Variants in CSMD1 observed in about 807,000 individuals in gnomAD.
The protein encoded by CSMD1 is CUB and Sushi multiple domains 1.
Under a neutral mutation model 417.5 loss-of-function variants are expected in CSMD1, and 213 were observed. That is an observed-to-expected ratio of 0.51 (90% CI 0.46 to 0.57). CSMD1 has a LOEUF of 0.57. Among genes scored for constraint, CSMD1 ranks in the 20% least tolerant of loss-of-function variants. The pLI is 0.00. For synonymous variants in CSMD1, 2,862 were observed against 1,736.8 expected, an observed-to-expected ratio of 1.65 and a Z score of -16.11; for missense variants, 6,923 against 4,529.7, an observed-to-expected ratio of 1.53 and a Z score of -15.17.
rs376640323 is a variant in CSMD1, at chr8:3,142,821, T to C, written c.6032-147A>G. The C allele has an allele frequency of 5.2e-5, 38 of 734,746 alleles. 1 individual carries two copies. In the South Asian group the frequency reaches 6.1e-4, roughly 12 times the overall value. 45.5% of individuals were successfully genotyped at this position (734,746 alleles called of 1,614,324 possible). On this transcript the variant is annotated intron_variant, in intron 40 of 69. Transcript: ENST00000635120. ...ATGCCGTGGAGGACGGCATTCACTG[T>C]GGATGACAGCAAACCCTGGCTCCAT...
intron 37 of CSMD1, among the ~76,000 whole-genome samples, chr8:3,179,645 G>A (rs1248168575): frequency 6.6e-6 from 1 of 152,114 alleles, no homozygotes; most frequent in East Asian, 1.9e-4. Flanking sequence ...AAACCCAGAT[G>A]CTACAGGATA....
intron 50 of CSMD1, among the ~76,000 whole-genome samples, chr8:3,043,156 G>C (rs1197110078): frequency 1.3e-5 from 2 of 150,476 alleles, no homozygotes; most frequent in African/African-American, 4.9e-5. Flanking sequence ...TACATATAGC[G>C]ATATATACAG....
At chr8:4,859,619 C>G (rs1223123127) in intron 1 of CSMD1, among the ~76,000 whole-genome samples, 1 of 152,068 alleles carries the variant, frequency 6.6e-6, no homozygotes, top group Admixed American at 6.6e-5. Context: ...AGACACTTCT[C>G]AAAAGAAGAC....
Position 3,033,970 on chromosome 8 carries a change from C to G in CSMD1, c.7661-4457G>C, listed in dbSNP as rs558463582. On this transcript the variant is annotated intron_variant, in intron 50 of 69. Transcript: ENST00000635120. ...GCCTTGCTTCAGCCCATCGCGGGCC[C>G]CAGACTAGTCAGACCACCCCCTAGT... Among the ~76,000 whole-genome samples, 4 of 152,084 alleles carry G rather than the reference C, an allele frequency of 2.6e-5. No homozygotes were observed. The East Asian group carries it at 7.7e-4, about 29-fold the overall frequency.
chr8:4,439,321 C>T (rs539710782), intron 2 of CSMD1, among the ~76,000 whole-genome samples: 8 of 152,126 alleles, frequency 5.3e-5, no homozygotes, highest in South Asian at 4.1e-4. Context: ...GTAATCAATA[C>T]GTTAAATATA....
At chr8:2,958,391 C>T (rs1397509426) in intron 62 of CSMD1, among the ~76,000 whole-genome samples, 1 of 152,174 alleles carries the variant, frequency 6.6e-6, no homozygotes, top group African/African-American at 2.4e-5. Flanking sequence ...TCTGATCCTC[C>T]AAGAATGAAT....
chr8:3,107,742 T>G lies in CSMD1; in HGVS notation c.6811A>C (p.Thr2271Pro). The change falls in exon 45 of 70, where the codon ACT becomes CCT. Residue 2271 changes from threonine (T) to proline (P), a missense_variant. Coordinates refer to ENST00000635120, the MANE Select transcript of CSMD1 (RefSeq NM_033225.6). Reference sequence around the variant, plus strand: ...CCTATTTCGAAATCATCATCCTCAGTAAGCATTTCTGCCTGTGGAACCGCT... The same window carrying G: ...CCTATTTCGAAATCATCATCCTCAGGAAGCATTTCTGCCTGTGGAACCGCT... Reference protein sequence around the residue: ...PPAVPQAEMLTEDDDFEIGDF... With the variant: ...PPAVPQAEMLPEDDDFEIGDF... 1 of 1,592,464 alleles carries G rather than the reference T, an allele frequency of 6.3e-7. No homozygotes were observed. The highest frequency in any genetic ancestry group is 8.5e-7 in the Non-Finnish European group (1 of 1,171,214).
In CSMD1 at chr8:4,232,005, G is replaced by C. The variant is rs566911976; in HGVS notation, c.415+187948C>G. Among the ~76,000 whole-genome samples, 16 of 152,114 alleles carry C rather than the reference G, an allele frequency of 1.1e-4. No individual in the cohort carries two copies. The South Asian group carries it at 3.3e-3, about 32-fold the overall frequency. On this transcript the variant is annotated intron_variant, in intron 3 of 69. Transcript: ENST00000635120. ...AATCATTTTGTAAAGCAAAGCCATC[G>C]ACATAGGACGTAAGTATGAAACAAT...
intron 1 of CSMD1, among the ~76,000 whole-genome samples, chr8:4,710,592 T>C (rs1381707987): frequency 6.6e-6 from 1 of 151,144 alleles, no homozygotes; most frequent in African/African-American, 2.4e-5. Context: ...ACGCTTGTGA[T>C]CCCAGCACTT....
intron 3 of CSMD1, among the ~76,000 whole-genome samples, chr8:4,184,804 T>A (rs1798571190): frequency 6.6e-6 from 1 of 151,830 alleles, no homozygotes; most frequent in Non-Finnish European, 1.5e-5. Flanking sequence ...CAGGTTTACT[T>A]ATATAGGAAA....
intron 3 of CSMD1, among the ~76,000 whole-genome samples, chr8:4,286,322 G>T (rs1797053324): frequency 6.6e-6 from 1 of 151,940 alleles, no homozygotes; most frequent in Admixed American, 6.6e-5. Context: ...TGTCACTTTG[G>T]AACATTCTTT....
intron 5 of CSMD1, among the ~76,000 whole-genome samples, chr8:3,893,815 A>AT (rs1395498599): frequency 1.3e-5 from 2 of 152,196 alleles, no homozygotes; most frequent in South Asian, 2.1e-4. Context: ...GCACACTTTG[A>AT]TTTTACCTGT....
At chr8:4,032,881 C>T (rs564178674) in intron 3 of CSMD1, among the ~76,000 whole-genome samples, 2 of 152,030 alleles carry the variant, frequency 1.3e-5, no homozygotes, top group East Asian at 1.9e-4. Flanking sequence ...TAGGTCAGGC[C>T]GTGGTGGGAT....
intron 41 of CSMD1, among the ~76,000 whole-genome samples, chr8:3,135,933 A>G (rs904723632): frequency 2.0e-5 from 3 of 152,202 alleles, no homozygotes; most frequent in African/African-American, 7.2e-5. Context: ...GAAAATCACA[A>G]CAGGGGCAAA....
rs891062010 is a variant in CSMD1, at chr8:3,648,682, T to C, written c.1010-31885A>G. ...CTTTGAAACATACGGCTATACCAAA[T>C]CCTATAAAAATGGTCTAAAAAGTGC... On this transcript the variant is annotated intron_variant, in intron 7 of 69. Transcript: ENST00000635120. 4.6e-5 allele frequency among the ~76,000 whole-genome samples: 7 copies of C among 152,294 alleles called. No homozygotes were observed. The East Asian group carries it at 1.2e-3, about 25-fold the overall frequency.
intron 22 of CSMD1, among the ~76,000 whole-genome samples, chr8:3,344,826 G>C (rs1391348717): frequency 1.3e-5 from 2 of 152,154 alleles, no homozygotes; most frequent in Admixed American, 1.3e-4. Flanking sequence ...ATAATTTTGT[G>C]GGTAGTTATT....
chr8:3,927,682 A>G (rs1389937982), intron 5 of CSMD1, among the ~76,000 whole-genome samples: 2 of 152,166 alleles, frequency 1.3e-5, no homozygotes, highest in Non-Finnish European at 2.9e-5. Context: ...TCAAAATAGA[A>G]AAGAAAAGAA....
At chr8:4,397,315 A>G (rs1400201009) in intron 3 of CSMD1, among the ~76,000 whole-genome samples, 1 of 152,202 alleles carries the variant, frequency 6.6e-6, no homozygotes, top group African/African-American at 2.4e-5. Context: ...TTTTAAATGT[A>G]TAAGCATATT....
chr8:4,847,777 A>AT (rs34765624), intron 1 of CSMD1, among the ~76,000 whole-genome samples: 1,631 of 138,356 alleles, frequency 0.012, 19 homozygotes, highest in East Asian at 0.033. Context: ...CTCTATCGGG[A>AT]TTTTTTTTTT....
Sources: gnomAD v4.1 joint callset for allele counts (sites outside exome capture counted in the v4.1 genomes callset) on GRCh38, gnomAD v4.1.1 for gene constraint, MANE v1.5 for transcripts, NCBI Gene and HGNC (gene_info 2026-07-23, HGNC 2026-07-21) for gene names.